The following PACS1 variants were observed in gnomAD, a reference collection of about 807,000 sequenced individuals.
PACS1 encodes PACS-1.
Under a neutral mutation model 115.0 loss-of-function variants are expected in PACS1, and 24 were observed. That is an observed-to-expected ratio of 0.21 (90% CI 0.15 to 0.29). The LOEUF (loss-of-function observed/expected upper bound fraction) is 0.29. PACS1 is among the 10% of genes least tolerant of loss of function. PACS1 has a pLI of 1.00. For missense variants in PACS1, 838 were observed against 1,251.2 expected, an observed-to-expected ratio of 0.67 and a Z score of 4.98; for synonymous variants, 453 against 504.5, an observed-to-expected ratio of 0.90 and a Z score of 1.37.
chr11:66,073,464 A>C (rs1035952028), intron 1 of PACS1, among the ~76,000 whole-genome samples: 1 of 152,206 alleles, frequency 6.6e-6, no homozygotes, highest in African/African-American at 2.4e-5. Context: ...TTGGTCTCTT[A>C]GGGCAGAGAA....
chr11:66,094,037 A>G (rs1438134597), intron 1 of PACS1, among the ~76,000 whole-genome samples: 14 of 151,112 alleles, frequency 9.3e-5, no homozygotes, highest in African/African-American at 3.4e-4. Context: ...TCTGGGACGC[A>G]TTCAAAGCAG....
intron 8 of PACS1, among the ~76,000 whole-genome samples, chr11:66,220,108 C>T (rs1178148354): frequency 6.6e-6 from 1 of 152,174 alleles, no homozygotes; most frequent in Non-Finnish European, 1.5e-5. Flanking sequence ...GCGGTTGTCA[C>T]TTAATTTCCC....
In PACS1 at chr11:66,099,038, T is replaced by G. The variant is rs577968006; in HGVS notation, c.356+28196T>G. 3.9e-5 allele frequency among the ~76,000 whole-genome samples: 6 copies of G among 152,188 alleles called. No homozygotes were observed. In the East Asian group the frequency reaches 9.7e-4, roughly 25 times the overall value. ...TTGTTTTTCTTTTCTTTTCCTTTTC[T>G]TTTTTCCCTTTTCCCTTCCCTTTTC... On this transcript the variant is annotated intron_variant, in intron 1 of 23. Transcript: ENST00000320580.
chr11:66,087,369 G>A (rs894121528), intron 1 of PACS1, among the ~76,000 whole-genome samples: 3 of 151,926 alleles, frequency 2.0e-5, no homozygotes, highest in Non-Finnish European at 2.9e-5. Context: ...GCATTCCCCT[G>A]TAGCTGGGAT....
chr11:66,101,404 G>A (rs548486848), intron 1 of PACS1, among the ~76,000 whole-genome samples: 2 of 152,260 alleles, frequency 1.3e-5, no homozygotes, highest in Admixed American at 6.5e-5. Context: ...GAATCACATT[G>A]AAACTAATTT....
chr11:66,095,607 G>A (rs1857762355), intron 1 of PACS1, among the ~76,000 whole-genome samples: 1 of 152,118 alleles, frequency 6.6e-6, no homozygotes, highest in Admixed American at 6.5e-5. Flanking sequence ...ACAGGCACAT[G>A]CTACCATGCC....
intron 10 of PACS1, among the ~76,000 whole-genome samples, chr11:66,226,034 T>C (rs1054188869): frequency 6.6e-6 from 1 of 152,118 alleles, no homozygotes; most frequent in Non-Finnish European, 1.5e-5. Context: ...TAGGCAGGCA[T>C]GGTGGCAGAC....
intron 1 of PACS1, among the ~76,000 whole-genome samples, chr11:66,077,206 C>T (rs934760284): frequency 4.6e-5 from 7 of 152,164 alleles, no homozygotes; most frequent in Admixed American, 2.6e-4. Flanking sequence ...CCTTGGGAAT[C>T]GCAGTAGAAC....
At chr11:66,074,731 A>G (rs1207060819) in intron 1 of PACS1, among the ~76,000 whole-genome samples, 7 of 152,094 alleles carry the variant, frequency 4.6e-5, no homozygotes, top group Admixed American at 6.6e-5. Context: ...CTTAATGGAC[A>G]AAAGCGTTGG....
At chr11:66,200,683 G>C (rs1854768137) in intron 2 of PACS1, among the ~76,000 whole-genome samples, 1 of 152,124 alleles carries the variant, frequency 6.6e-6, no homozygotes, top group Non-Finnish European at 1.5e-5. Flanking sequence ...GAGAGTGTTA[G>C]ACCCCATTAC....
chr11:66,148,738 C>T (rs1384721545), intron 1 of PACS1, among the ~76,000 whole-genome samples: 1 of 152,082 alleles, frequency 6.6e-6, no homozygotes, highest in Non-Finnish European at 1.5e-5. Flanking sequence ...CCAGCCTGGC[C>T]AACATGGTGA....
Position 66,216,754 on chromosome 11 carries a change from C to T in PACS1, c.957C>T (p.Thr319=). ...RKVKKTRRKL[T]STSAITRQPN... is the part of the protein sequence containing the mutation. ...TGAAGAAGACCCGGAGGAAACTAAC[C>T]TCAACCTCTGCCATCACAAGGGTGA... The change falls in exon 7 of 24, where the codon ACC becomes ACT. Residue 319 remains threonine (T), a synonymous_variant. Transcript: ENST00000320580. The T allele has an allele frequency of 1.2e-6, 2 of 1,613,794 alleles. No individual in the cohort carries two copies. Among genetic ancestry groups the T allele is most frequent in the South Asian group, 2.2e-5 (2 of 91,056 alleles).
At chr11:66,189,500 T>TG (rs1490023228) in intron 1 of PACS1, among the ~76,000 whole-genome samples, 1 of 152,272 alleles carries the variant, frequency 6.6e-6, no homozygotes, top group Non-Finnish European at 1.5e-5. Context: ...AAGAGCCTTC[T>TG]GGGGCATAAT....
chr11:66,216,476 G>C (rs747639160), intron 5 of PACS1, 44 bp from the exon 6 acceptor site: 4 of 1,559,304 alleles, frequency 2.6e-6, no homozygotes, highest in East Asian at 2.2e-5. Flanking sequence ...TCTTAGGCCA[G>C]ATCTTCCCAT....
chr11:66,138,234 G>A (rs1488967584), intron 1 of PACS1, among the ~76,000 whole-genome samples: 1 of 151,980 alleles, frequency 6.6e-6, no homozygotes, highest in Non-Finnish European at 1.5e-5. Flanking sequence ...TAGGACTGTA[G>A]ACTTCTGCCA....
At chr11:66,240,213 C>T (rs540959308) in intron 21 of PACS1, among the ~76,000 whole-genome samples, 6 of 152,184 alleles carry the variant, frequency 3.9e-5, no homozygotes, top group Non-Finnish European at 7.3e-5. Context: ...GGCTGAATCT[C>T]TGAGACCACT....
chr11:66,190,551 A>C (rs754022661), intron 1 of PACS1, among the ~76,000 whole-genome samples: 6 of 151,750 alleles, frequency 4.0e-5, no homozygotes, highest in Non-Finnish European at 8.8e-5. Flanking sequence ...TCAGCCTCCC[A>C]CATTTCTTTT....
chr11:66,220,569 C>G, intron 8 of PACS1, 62 bp from the exon 9 acceptor site: 6 of 1,560,822 alleles, frequency 3.8e-6, no homozygotes, highest in Non-Finnish European at 5.3e-6. Flanking sequence ...AAAGGAGCTG[C>G]TCATCAACCA....
At chr11:66,100,369 C>T (rs545177020) in intron 1 of PACS1, among the ~76,000 whole-genome samples, 119 of 152,248 alleles carry the variant, frequency 7.8e-4, no homozygotes, top group African/African-American at 2.7e-3. Context: ...ACTGGTCTTT[C>T]ACCTACCCTG....
Sources: gnomAD v4.1 joint callset for allele counts (sites outside exome capture counted in the v4.1 genomes callset) on GRCh38, gnomAD v4.1.1 for gene constraint, MANE v1.5 for transcripts, NCBI Gene and HGNC (gene_info 2026-07-23, HGNC 2026-07-21) for gene names.